Variants in OTUD7A observed in about 807,000 individuals in gnomAD.
OTUD7A encodes OTU deubiquitinase 7A, also known as OTU domain-containing protein 7A.
Under a neutral mutation model 65.7 loss-of-function variants are expected in OTUD7A, and 12 were observed. That is an observed-to-expected ratio of 0.18 (90% CI 0.12 to 0.30). The LOEUF (loss-of-function observed/expected upper bound fraction) is 0.30. Among genes scored for constraint, OTUD7A ranks in the 10% least tolerant of loss-of-function variants. The pLI is 1.00. For missense variants in OTUD7A, 1,148 were observed against 1,304.8 expected, an observed-to-expected ratio of 0.88 and a Z score of 1.85; for synonymous variants, 641 against 586.3, an observed-to-expected ratio of 1.09 and a Z score of -1.35.
intron 1 of OTUD7A, among the ~76,000 whole-genome samples, chr15:31,666,023 A>AT (rs71113413): frequency 0.22 from 32,174 of 147,308 alleles, 3,511 homozygotes; most frequent in East Asian, 0.25. Context: ...ATCATGGTGG[A>AT]TTTTTTTTTT....
intron 1 of OTUD7A, among the ~76,000 whole-genome samples, chr15:31,670,276 G>A (rs4456464): frequency 0.8 from 120,485 of 150,364 alleles, 48,387 homozygotes; most frequent in African/African-American, 0.91. Context: ...AGAATGATTT[G>A]TATTCCTTTG....
At chr15:31,526,298 G>C in intron 8 of OTUD7A, 51 bp downstream of exon 8, 1 of 1,497,936 alleles carries the variant, frequency 6.7e-7, no homozygotes. Context: ...TGTAGCCCTG[G>C]GTGGCCTGGA....
rs372840712 is a variant in OTUD7A at position 31,503,770 on chromosome 15, G to A, written c.942C>T (p.His314=). 1.7e-5 allele frequency: 27 copies of A among 1,614,166 alleles called. No homozygotes were observed. The highest frequency in any genetic ancestry group is 1.7e-4 in the Middle Eastern group (1 of 6,058). The change falls in exon 9 of 13, where the codon CAC becomes CAT. Residue 314 remains histidine (H), a synonymous_variant. Coordinates refer to ENST00000307050, the MANE Select transcript of OTUD7A (RefSeq NM_001382637.1). ...DPVYESLEEF[H]VFVLAHILRR... ...TTAATATATGGGCTAGGACAAAAAC[G>A]TGGAACTCTTCCAGGCTCTCGTACA...
intron 1 of OTUD7A, among the ~76,000 whole-genome samples, chr15:31,746,582 C>G (rs886853440): frequency 1.3e-5 from 2 of 151,522 alleles, no homozygotes; most frequent in Non-Finnish European, 2.9e-5. Context: ...CTGCAACCTC[C>G]ACCTCCCAGG....
At chr15:31,853,380 C>G (rs1328820130) in intron 1 of OTUD7A, among the ~76,000 whole-genome samples, 1 of 152,184 alleles carries the variant, frequency 6.6e-6, no homozygotes, top group Non-Finnish European at 1.5e-5. Context: ...AGAGAGAAAA[C>G]TAGAAAGAGA....
At chr15:31,489,514 G>A (rs2041287230) in intron 10 of OTUD7A, among the ~76,000 whole-genome samples, 1 of 152,126 alleles carries the variant, frequency 6.6e-6, no homozygotes, top group Non-Finnish European at 1.5e-5. Context: ...AGGATTTAGG[G>A]GGAACAGGCA....
At chr15:31,630,304 T>C (rs922056943) in intron 3 of OTUD7A, among the ~76,000 whole-genome samples, 7 of 150,770 alleles carry the variant, frequency 4.6e-5, no homozygotes, top group African/African-American at 1.5e-4. Context: ...TTTGTTCTCG[T>C]TGGTTTCAAA....
At chr15:31,825,503 C>A (rs1896777036) in intron 1 of OTUD7A, among the ~76,000 whole-genome samples, 1 of 152,234 alleles carries the variant, frequency 6.6e-6, no homozygotes, top group African/African-American at 2.4e-5. Context: ...CCTCCCACAA[C>A]ATGTAGGAAT....
chr15:31,530,860 T>A, intron 5 of OTUD7A, 52 bp from the exon 6 acceptor site: 1 of 1,488,948 alleles, frequency 6.7e-7, no homozygotes, highest in Non-Finnish European at 9.3e-7. Flanking sequence ...AAGGGGCCAC[T>A]GGGGGTGTTT....
At chr15:31,517,606 C>A (rs1446619250) in intron 8 of OTUD7A, among the ~76,000 whole-genome samples, 1 of 152,184 alleles carries the variant, frequency 6.6e-6, no homozygotes, top group Non-Finnish European at 1.5e-5. Flanking sequence ...TCCTAACATG[C>A]TTTGGGCCCC....
intron 1 of OTUD7A, among the ~76,000 whole-genome samples, chr15:31,659,209 T>C (rs1379867389): frequency 6.6e-6 from 1 of 152,204 alleles, no homozygotes; most frequent in Non-Finnish European, 1.5e-5. Flanking sequence ...TGGGAGATGA[T>C]GGCAGAGGCT....
At position 31,481,690 on chromosome 15, in the gene OTUD7A, A is replaced by G. The variant is rs975873023; in HGVS notation, c.*1604T>C. 4.6e-5 allele frequency: 7 copies of G among 152,496 alleles called. No homozygotes were observed. Among genetic ancestry groups the G allele is most frequent in the African/African-American group, 1.4e-4 (6 of 41,454 alleles). 9.4% of individuals were successfully genotyped at this position (152,496 alleles called of 1,614,324 possible). A position where few individuals can be genotyped will look rare whatever the true frequency, so the allele number is the denominator to read the frequency against. On this transcript the variant is annotated 3_prime_UTR_variant, in exon 13 of 13. Coordinates refer to ENST00000307050, the MANE Select transcript of OTUD7A (RefSeq NM_001382637.1). ...AACAAAAAGGCATTACTCACAGGAGATACTCAATTATTTTATTATAATTTC... is the reference window on the plus strand; with the variant it reads ...AACAAAAAGGCATTACTCACAGGAGGTACTCAATTATTTTATTATAATTTC...
intron 1 of OTUD7A, among the ~76,000 whole-genome samples, chr15:31,788,034 A>C (rs1174212786): frequency 6.6e-6 from 1 of 152,234 alleles, no homozygotes; most frequent in Non-Finnish European, 1.5e-5. Flanking sequence ...GTCATTCCAC[A>C]GTGCCAGACC....
chr15:31,741,000 A>T (rs1210294027), intron 1 of OTUD7A, among the ~76,000 whole-genome samples: 5 of 152,244 alleles, frequency 3.3e-5, no homozygotes, highest in African/African-American at 1.2e-4. Context: ...CTATTGACAA[A>T]CTTTACTTAA....
At chr15:31,755,716 T>C (rs1347646055) in intron 1 of OTUD7A, among the ~76,000 whole-genome samples, 3 of 146,096 alleles carry the variant, frequency 2.1e-5, no homozygotes, top group Non-Finnish European at 4.6e-5. Context: ...AGCGAGACTC[T>C]GTCTCAAAAA....
chr15:31,830,427 G>A (rs1896901373), intron 1 of OTUD7A, among the ~76,000 whole-genome samples: 1 of 152,220 alleles, frequency 6.6e-6, no homozygotes, highest in African/African-American at 2.4e-5. Context: ...TCACATGCCT[G>A]AATGGATCTG....
intron 1 of OTUD7A, among the ~76,000 whole-genome samples, chr15:31,719,619 T>C (rs1162382072): frequency 6.6e-6 from 1 of 152,172 alleles, no homozygotes; most frequent in African/African-American, 2.4e-5. Flanking sequence ...AGCTCTCTCC[T>C]TGCCAGCGTC....
chr15:31,601,648 TA>T (rs570236642), intron 3 of OTUD7A, among the ~76,000 whole-genome samples: 123 of 151,758 alleles, frequency 8.1e-4, no homozygotes, highest in East Asian at 1.7e-3. Flanking sequence ...AAAAACCCTT[TA>T]AAAAAAATCA....
chr15:31,811,169 G>A (rs181626796), intron 1 of OTUD7A, among the ~76,000 whole-genome samples: 5 of 152,260 alleles, frequency 3.3e-5, no homozygotes, highest in Admixed American at 6.5e-5. Context: ...ACATTTGGTG[G>A]AAAATATAAT....
Sources: allele counts gnomAD v4.1 joint callset (sites outside exome capture counted in the v4.1 genomes callset), GRCh38; gene constraint gnomAD v4.1.1; transcripts MANE v1.5; gene names NCBI Gene and HGNC (gene_info 2026-07-23, HGNC 2026-07-21).